The following DLEU7 variants were observed in gnomAD, a reference collection of about 807,000 sequenced individuals.
DLEU7 encodes deleted in lymphocytic leukemia 7, also known as leukemia-associated protein 7.
Under a neutral mutation model 16.0 loss-of-function variants are expected in DLEU7, and 17 were observed. That is an observed-to-expected ratio of 1.06 (90% CI 0.73 to 1.59). The LOEUF is 1.59. Ranked by LOEUF, DLEU7 falls within the 40% of genes most tolerant of loss-of-function variation. The pLI is 0.00. For synonymous variants in DLEU7, 113 were observed against 139.8 expected, an observed-to-expected ratio of 0.81 and a Z score of 1.35; for missense variants, 308 against 314.9, an observed-to-expected ratio of 0.98 and a Z score of 0.17.
At chr13:50,758,815 C>CT (rs1874839144) in intron 1 of DLEU7, among the ~76,000 whole-genome samples, 1 of 152,194 alleles carries the variant, frequency 6.6e-6, no homozygotes, top group South Asian at 2.1e-4. Context: ...AAGCCATAGT[C>CT]TTTTTATGAC....
intron 1 of DLEU7, among the ~76,000 whole-genome samples, chr13:50,780,270 G>A (rs531083053): frequency 3.7e-4 from 56 of 152,280 alleles, no homozygotes; most frequent in African/African-American, 1.3e-3. Flanking sequence ...CTAGATAGCA[G>A]TTTCTGCATG....
intron 1 of DLEU7, among the ~76,000 whole-genome samples, chr13:50,798,484 C>T (rs763945630): frequency 5.9e-5 from 9 of 152,120 alleles, no homozygotes; most frequent in Non-Finnish European, 1.3e-4. Flanking sequence ...GAGTCCAATG[C>T]CTTCAGTCCT....
intron 1 of DLEU7, among the ~76,000 whole-genome samples, chr13:50,785,211 C>T (rs1875766310): frequency 6.6e-6 from 1 of 152,082 alleles, no homozygotes; most frequent in South Asian, 2.1e-4. Flanking sequence ...GGGGTTGGGA[C>T]AAGTGAGACA....
Position 50,803,333 on chromosome 13 carries a change from C to T in DLEU7, c.459+39855G>A, listed in dbSNP as rs78967547. On this transcript the variant is annotated intron_variant, in intron 1 of 1. Coordinates refer to the DLEU7 transcript ENST00000400393. ...GAAGTAATATTTTCTGATAATTTAA[C>T]TTGAAATTCTCTCAACTTTAGTGAA... Among the ~76,000 whole-genome samples, 1,176 of 152,232 alleles carry T rather than the reference C, an allele frequency of 7.7e-3. 10 individuals are homozygous for T. Among genetic ancestry groups the T allele is most frequent in the African/African-American group, 0.027 (1,105 of 41,534 alleles).
rs574544182 is a variant in DLEU7, at chr13:50,842,790, G to T, written c.459+398C>A. ...AAAAGGCAGAAGGGACTTAGTAAGT[G>T]TATTTAAGGCTCTGGAGGAAGCGTT... On this transcript the variant is annotated intron_variant, in intron 1 of 1. Transcript: ENST00000504404. 3.9e-5 allele frequency among the ~76,000 whole-genome samples: 6 copies of T among 152,364 alleles called. No individual in the cohort carries two copies. The South Asian group carries it at 1.2e-3, about 32-fold the overall frequency.
chr13:50,813,537 A>G (rs1248627135), intron 1 of DLEU7, among the ~76,000 whole-genome samples: 1 of 152,104 alleles, frequency 6.6e-6, no homozygotes, highest in African/African-American at 2.4e-5. Flanking sequence ...GATTTTTTCC[A>G]TAAAAGCATT....
intron 1 of DLEU7, among the ~76,000 whole-genome samples, chr13:50,745,818 T>C (rs139168771): frequency 0.02 from 3,104 of 152,204 alleles, 55 homozygotes; most frequent in South Asian, 0.034. Flanking sequence ...ATTCTTTCAG[T>C]CTATTTAATA....
At chr13:50,821,229 A>G (rs1369621741), downstream of DLEU7, among the ~76,000 whole-genome samples, 2 of 151,900 alleles carry the variant, frequency 1.3e-5, no homozygotes, top group Non-Finnish European at 2.9e-5. Context: ...TGCAAGCAGC[A>G]TTCAACCAAA....
chr13:50,758,025 A>AT (rs5803530), intron 1 of DLEU7, among the ~76,000 whole-genome samples: 1,305 of 89,060 alleles, frequency 0.015, 18 homozygotes, highest in African/African-American at 0.019. Context: ...CATTACCAAG[A>AT]TTTTTTTTTT....
At chr13:50,807,128 A>G (rs1249366777) in intron 1 of DLEU7, among the ~76,000 whole-genome samples, 3 of 151,518 alleles carry the variant, frequency 2.0e-5, no homozygotes, top group Admixed American at 6.6e-5. Flanking sequence ...TAATTTTTAA[A>G]GAGAGTTTAG....
At position 50,843,155 on chromosome 13, in the gene DLEU7, C is replaced by T. The variant is rs779956707; in HGVS notation, c.459+33G>A. 1.1e-5 allele frequency: 17 copies of T among 1,567,284 alleles called. No individual in the cohort carries two copies. Among genetic ancestry groups the T allele is most frequent in the Non-Finnish European group, 1.5e-5 (17 of 1,158,874 alleles). On this transcript the variant is annotated intron_variant, in intron 1 of 1. Coordinates refer to ENST00000504404, the MANE Select transcript of DLEU7 (RefSeq NM_001306135.2). The surrounding 1 kb of genome is among the most constrained non-coding windows in gnomAD (Gnocchi z 5.7). ...CCTTGGAGGATGGGAGGTTACCCTG[C>T]ACGCCAGAGGGGATGGCGGGGGCCA...
At chr13:50,744,999 A>G (rs575745880) in intron 1 of DLEU7, among the ~76,000 whole-genome samples, 1 of 152,294 alleles carries the variant, frequency 6.6e-6, no homozygotes, top group South Asian at 2.1e-4. Flanking sequence ...ATTATGGAAA[A>G]CAATGTGGTG....
intron 1 of DLEU7, among the ~76,000 whole-genome samples, chr13:50,803,920 C>T (rs900521619): frequency 5.3e-5 from 8 of 152,138 alleles, no homozygotes; most frequent in Admixed American, 3.9e-4. Context: ...AGAGATCTTC[C>T]TTACTACAAT....
chr13:50,822,057 C>T (rs530999978), downstream of DLEU7, among the ~76,000 whole-genome samples: 8 of 151,994 alleles, frequency 5.3e-5, no homozygotes, highest in East Asian at 1.9e-4. Flanking sequence ...CACACATGAG[C>T]GCACACACAC....
chr13:50,724,331 CT>C (rs567362429), intron 1 of DLEU7, among the ~76,000 whole-genome samples: 29 of 152,168 alleles, frequency 1.9e-4, no homozygotes, highest in Middle Eastern at 3.4e-3. Flanking sequence ...TATAAAATTA[CT>C]TTTTTCTTTT....
intron 1 of DLEU7, among the ~76,000 whole-genome samples, chr13:50,753,263 A>G (rs1874636912): frequency 6.6e-6 from 1 of 152,244 alleles, no homozygotes; most frequent in African/African-American, 2.4e-5. Context: ...ATCCCGCACC[A>G]GGGCTGCAGG....
intron 1 of DLEU7, among the ~76,000 whole-genome samples, chr13:50,781,946 A>C (rs1360653346): frequency 6.6e-6 from 1 of 152,242 alleles, no homozygotes; most frequent in Non-Finnish European, 1.5e-5. Context: ...GTAAGCCATG[A>C]ATATCTTTGA....
chr13:50,741,898 G>A (rs1016561374), intron 1 of DLEU7, among the ~76,000 whole-genome samples: 9 of 152,082 alleles, frequency 5.9e-5, no homozygotes, highest in Non-Finnish European at 1.2e-4. Context: ...TGCACAGTAC[G>A]TGCAAATTGT....
rs1874352577 is a variant in DLEU7 at position 50,744,942 on chromosome 13, GT to G, written c.460-31703del. The stretch of plus-strand genomic sequence containing the variant: ...AAAGTGTTGGAGAGTATGTGGAGAA[GT>G]TGGGACCCTTGTCCACTGATGATGG... On this transcript the variant is annotated intron_variant, in intron 1 of 1. Transcript: ENST00000400393. Among the ~76,000 whole-genome samples, 4 of 152,292 alleles carry G rather than the reference GT, an allele frequency of 2.6e-5. No homozygotes were observed. In the South Asian group the frequency reaches 8.3e-4, roughly 32 times the overall value.
Sources: allele counts gnomAD v4.1 joint callset (sites outside exome capture counted in the v4.1 genomes callset), GRCh38; gene constraint gnomAD v4.1.1; non-coding constraint Gnocchi (gnomAD v3.1); transcripts MANE v1.5; gene names NCBI Gene and HGNC (gene_info 2026-07-23, HGNC 2026-07-21).